The following ZNF443 variants were observed in gnomAD, a reference collection of about 807,000 sequenced individuals.
ZNF443 encodes Kruppel-type zinc finger (C2H2).
In ZNF443, 3 loss-of-function variants were observed where a neutral mutation model predicts 12.0. The ratio of observed to expected loss-of-function variants is 0.25; its 90% CI spans 0.11 to 0.64. ZNF443 has a LOEUF of 0.64. Among genes scored for constraint, ZNF443 ranks in the 30% least tolerant of loss-of-function variants. ZNF443 has a pLI of 0.84. For missense variants in ZNF443, 770 were observed against 808.8 expected, an observed-to-expected ratio of 0.95 and a Z score of 0.58; for synonymous variants, 225 against 265.9, an observed-to-expected ratio of 0.85 and a Z score of 1.50.
In ZNF443 at chr19:12,439,691, C is replaced by T. The variant is rs1970345729; in HGVS notation, c.3+1221G>A. ...CATTTACACTAGAGACAAAGTCTTG[C>T]CATGTTGCCCAGGCTGGTCTGGAAC... On this transcript the variant is annotated intron_variant, in intron 1 of 3. Coordinates refer to ENST00000301547, the MANE Select transcript of ZNF443 (RefSeq NM_005815.5). Among the ~76,000 whole-genome samples, 3 of 152,154 alleles carry T rather than the reference C, an allele frequency of 2.0e-5. No individual in the cohort carries two copies. In the South Asian group the frequency reaches 6.2e-4, roughly 31 times the overall value.
Position 12,431,267 on chromosome 19 carries a change from G to A in ZNF443, c.905C>T (p.Thr302Ile), listed in dbSNP as rs564302229. The change falls in exon 4 of 4, where the codon ACT (threonine) becomes ATT (isoleucine). Residue 302 changes from threonine (T) to isoleucine (I), a missense_variant. Physicochemically the swap from Thr to Ile is moderately conservative, Grantham distance 89. Coordinates refer to ENST00000301547, the MANE Select transcript of ZNF443 (RefSeq NM_005815.5). ...TGTATAGGGTTTCTCTCCAGTGTGA[G>A]TTCTTTCATGTATTAGACAAGAACT... The part of the protein sequence containing the change: ...DSSSCLIHER[T>I]HTGEKPYTCK... The A allele has an allele frequency of 5.0e-6, 8 of 1,613,990 alleles. No homozygotes were observed. Among genetic ancestry groups the A allele is most frequent in the Admixed American group, 1.7e-5 (1 of 59,998 alleles).
At chr19:12,437,829 T>C (rs975120351) in intron 1 of ZNF443, among the ~76,000 whole-genome samples, 4 of 151,900 alleles carry the variant, frequency 2.6e-5, no homozygotes, top group African/African-American at 9.7e-5. Context: ...ATGATGCTCA[T>C]GCCTGTAATC....
At position 12,430,515 on chromosome 19, in the gene ZNF443, T is replaced by C. The variant is rs887921806; in HGVS notation, c.1657A>G (p.Ile553Val). The change falls in exon 4 of 4, where the codon ATT becomes GTT. Residue 553 changes from isoleucine (I) to valine (V), a missense_variant. By Grantham distance (29) the Ile-to-Val change is conservative. This residue lies in a region of ZNF443 where 736 missense variants were observed against 689.4 expected (regional missense o/e 1.07). Coordinates refer to ENST00000301547, the MANE Select transcript of ZNF443 (RefSeq NM_005815.5). ...HYDNLKVHER[I>V]HSGEKPYECK... The stretch of plus-strand genomic sequence containing the variant: ...TCATACGGCTTCTCTCCAGAGTGAA[T>C]TCTTTCATGTACCTTTAAGTTATCA... 6.2e-7 allele frequency: 1 copy of C among 1,614,152 alleles called. No homozygotes were observed. The highest frequency in any genetic ancestry group is 8.5e-7 in the Non-Finnish European group (1 of 1,179,992).
At chr19:12,435,910 G>A (rs373389703) in intron 1 of ZNF443, among the ~76,000 whole-genome samples, 13 of 151,962 alleles carry the variant, frequency 8.6e-5, no homozygotes, top group African/African-American at 3.1e-4. Flanking sequence ...GAGGAAAGAA[G>A]AAGAATCCAA....
chr19:12,432,634 A>G (rs1970269081), intron 2 of ZNF443, among the ~76,000 whole-genome samples, 197 bp from the exon 3 acceptor site: 1 of 140,264 alleles, frequency 7.1e-6, no homozygotes, highest in African/African-American at 2.8e-5. Context: ...CTGCTACCCA[A>G]GACACTAAGA....
chr19:12,436,782 CA>C (rs1970315074), intron 1 of ZNF443, among the ~76,000 whole-genome samples: 1 of 131,804 alleles, frequency 7.6e-6, no homozygotes. Flanking sequence ...CACACACACA[CA>C]AATATACACA....
In ZNF443 at chr19:12,429,841, C is replaced by T. The variant is rs1970230181; in HGVS notation, c.*315G>A. ...TTCCCTAAACAATACAATAGAACAACTATTTGCATAGCTTTTATAATGCAT... is the reference window on the plus strand; with the variant it reads ...TTCCCTAAACAATACAATAGAACAATTATTTGCATAGCTTTTATAATGCAT... On this transcript the variant is annotated 3_prime_UTR_variant, in exon 4 of 4. Coordinates refer to ENST00000301547, the MANE Select transcript of ZNF443 (RefSeq NM_005815.5). The T allele has an allele frequency of 2.2e-6, 1 of 452,628 alleles. No homozygotes were observed. Among genetic ancestry groups the T allele is most frequent in the South Asian group, 3.1e-5 (1 of 32,666 alleles). 28.0% of individuals were successfully genotyped at this position (452,628 alleles called of 1,614,324 possible).
Position 12,430,781 on chromosome 19 carries a change from AG to A in ZNF443, c.1390del (p.Leu464PhefsTer84). 1.2e-6 allele frequency: 2 copies of A among 1,614,086 alleles called. No homozygotes were observed. The highest frequency in any genetic ancestry group is 1.7e-6 in the Non-Finnish European group (2 of 1,179,970). ...CGKAYRISSS[L>X]RRHETTHTGE... Reference sequence around the variant, plus strand: ...AGTATGAGTTGTTTCATGCCTTCGAAGGGAACTGGAAATACGGTAGGCTTTG... The same window carrying A: ...AGTATGAGTTGTTTCATGCCTTCGAAGGAACTGGAAATACGGTAGGCTTTG... On this transcript the variant is annotated frameshift_variant, in exon 4 of 4. Transcript: ENST00000301547. LOFTEE classifies it low-confidence loss of function (END_TRUNC).
intron 1 of ZNF443, among the ~76,000 whole-genome samples, chr19:12,437,416 A>AAAAAAG (rs367738853): frequency 0.3 from 43,687 of 146,086 alleles, 7,043 homozygotes; most frequent in South Asian, 0.45. Flanking sequence ...TCAAAAAAAA[A>AAAAAAG]AAAGAAACAA....
At chr19:12,439,966 A>G (rs7259093) in intron 1 of ZNF443, among the ~76,000 whole-genome samples, 110,012 of 150,346 alleles carry the variant, frequency 0.73, 40,795 homozygotes, top group Non-Finnish European at 0.79. Context: ...AGCCCTAGGA[A>G]GAGTCAGGAT....
Position 12,430,246 on chromosome 19 carries a change from A to C in ZNF443, c.1926T>G (p.Thr642=), listed in dbSNP as rs1568236598. The C allele has an allele frequency of 6.2e-7, 1 of 1,613,656 alleles. No individual in the cohort carries two copies. Residue 642 remains threonine, a synonymous_variant, in exon 4 of 4, where the codon ACT becomes ACG. Coordinates refer to ENST00000301547, the MANE Select transcript of ZNF443 (RefSeq NM_005815.5). ...ATTCATATGGGTTCTCTCCAGTGTG[A>C]GTTTTTTTCCAGTGAGTCTTTTTAT... The part of the protein sequence containing the change: ...HRHKKTHWKK[T]HTGENPYECK...
intron 1 of ZNF443, among the ~76,000 whole-genome samples, chr19:12,434,537 A>C (rs1255958966): frequency 6.6e-6 from 1 of 152,170 alleles, no homozygotes; most frequent in East Asian, 1.9e-4. Context: ...TAAATAACTA[A>C]AACGGACCTT....
intron 1 of ZNF443, among the ~76,000 whole-genome samples, chr19:12,437,392 A>G (rs1403376463): frequency 6.8e-6 from 1 of 147,532 alleles, no homozygotes; most frequent in Non-Finnish European, 1.5e-5. Flanking sequence ...TAGGTGATAG[A>G]GCAAGAACCT....
At position 12,430,964 on chromosome 19, in the gene ZNF443, G is replaced by C. The variant is rs375430161; in HGVS notation, c.1208C>G (p.Ser403Cys). ...ATGACTTCGAAAGCTTGAGCGATGAGATAATGCTTTCCCACACTGCTTGCA... is the reference window on the plus strand; with the variant it reads ...ATGACTTCGAAAGCTTGAGCGATGACATAATGCTTTCCCACACTGCTTGCA... The part of the protein sequence containing the change: ...YECKQCGKAL[S>C]HRSSFRSHMI... The change falls in exon 4 of 4, where the codon TCT becomes TGT. Residue 403 changes from serine to cysteine, a missense_variant. By Grantham distance (112) the Ser-to-Cys change is moderately radical. Coordinates refer to ENST00000301547, the MANE Select transcript of ZNF443 (RefSeq NM_005815.5). 6 of 1,613,184 alleles carry C rather than the reference G, an allele frequency of 3.7e-6. No individual in the cohort carries two copies. The African/African-American group carries it at 8.0e-5, about 22-fold the overall frequency.
In ZNF443 at chr19:12,436,410, G is replaced by A. The variant is rs1243605856; in HGVS notation, c.4-3213C>T. ...CAGAAGAATCGCTTGAACCCAGGAT[G>A]TGGAGGTTGCAGTGAGCCGAGATCG... is the stretch of plus-strand genomic sequence containing the variant. On this transcript the variant is annotated intron_variant, in intron 1 of 3. Coordinates refer to ENST00000301547, the MANE Select transcript of ZNF443 (RefSeq NM_005815.5). 6.0e-5 allele frequency among the ~76,000 whole-genome samples: 9 copies of A among 151,230 alleles called. No individual in the cohort carries two copies. In the South Asian group the frequency reaches 1.5e-3, roughly 25 times the overall value.
chr19:12,440,860 C>A (rs11878523), intron 1 of ZNF443, 52 bp downstream of exon 1: 395,460 of 1,613,108 alleles, frequency 0.25, 50,671 homozygotes, highest in South Asian at 0.37. Context: ...CGATTACGGC[C>A]GGTTCCACCT....
intron 1 of ZNF443, among the ~76,000 whole-genome samples, chr19:12,434,950 CTTTTT>C (rs34799053): frequency 1.0e-5 from 1 of 96,096 alleles, no homozygotes. Flanking sequence ...AACAAGGCTG[CTTTTT>C]TTTTTTTTTT....
At chr19:12,436,081 G>A (rs945242995) in intron 1 of ZNF443, among the ~76,000 whole-genome samples, 6 of 150,828 alleles carry the variant, frequency 4.0e-5, no homozygotes, top group Non-Finnish European at 5.9e-5. Flanking sequence ...GAATAAAAAC[G>A]TTAAAACAAC....
In ZNF443 at chr19:12,430,678, G is replaced by A. The variant is rs779384642; in HGVS notation, c.1494C>T (p.His498=). ...FCSFQNHKTT[H]TGEKPYECKE... is the part of the protein sequence containing the mutation. The stretch of plus-strand genomic sequence containing the variant: ...TACACTCATATGGCTTCTCTCCAGT[G>A]TGAGTTGTTTTGTGATTTTGAAAGG... Residue 498 remains histidine, a synonymous_variant, in exon 4 of 4, where the codon CAC becomes CAT. Coordinates refer to ENST00000301547, the MANE Select transcript of ZNF443 (RefSeq NM_005815.5). 18 of 1,613,984 alleles carry A rather than the reference G, an allele frequency of 1.1e-5. No individual in the cohort carries two copies. The highest frequency in any genetic ancestry group is 8.9e-5 in the East Asian group (4 of 44,882).
Sources: gnomAD v4.1 joint callset for allele counts (sites outside exome capture counted in the v4.1 genomes callset) on GRCh38, gnomAD v4.1.1 for gene constraint, gnomAD v4.1.1 regional missense constraint, MANE v1.5 for transcripts, NCBI Gene and HGNC (gene_info 2026-07-23, HGNC 2026-07-21) for gene names.